Variants in CDH12 observed in about 807,000 individuals in gnomAD.
The protein encoded by CDH12 is cadherin 12.
Under a neutral mutation model 74.1 loss-of-function variants are expected in CDH12, and 41 were observed. The ratio of observed to expected loss-of-function variants is 0.55; its 90% CI spans 0.43 to 0.72. The LOEUF is 0.72. Among genes scored for constraint, CDH12 ranks in the 30% least tolerant of loss-of-function variants. The probability of loss-of-function intolerance (pLI) is 0.00; values close to 1 mark genes in which losing one functional copy is unlikely to be tolerated. For missense variants in CDH12, 945 were observed against 977.2 expected, an observed-to-expected ratio of 0.97 and a Z score of 0.44; for synonymous variants, 399 against 355.0, an observed-to-expected ratio of 1.12 and a Z score of -1.39.
At chr5:22,178,758 T>C (rs1260700739) in intron 4 of CDH12, among the ~76,000 whole-genome samples, 2 of 152,218 alleles carry the variant, frequency 1.3e-5, no homozygotes, top group South Asian at 2.1e-4. Flanking sequence ...GGTTCTACTA[T>C]ACCAAGAAAA....
chr5:22,044,325 A>C (rs535178879), intron 5 of CDH12, among the ~76,000 whole-genome samples: 1 of 152,306 alleles, frequency 6.6e-6, no homozygotes, highest in African/African-American at 2.4e-5. Context: ...TAAACAAAAG[A>C]GGTTTAATTA....
At chr5:21,964,724 A>G (rs1756507674) in intron 6 of CDH12, among the ~76,000 whole-genome samples, 1 of 152,202 alleles carries the variant, frequency 6.6e-6, no homozygotes, top group South Asian at 2.1e-4. Context: ...ATGCATAAAC[A>G]AGATGTATTT....
rs67573332 is a variant in CDH12, at chr5:22,153,889, AAT to A, written c.-187+58607_-187+58608del. 6.2e-4 allele frequency among the ~76,000 whole-genome samples: 26 copies of A among 42,070 alleles called. 1 individual carries two copies. The highest frequency in any genetic ancestry group is 7.8e-4 in the Non-Finnish European group (15 of 19,132). The allele number at this position is 42,070 out of a possible 152,430, so 27.6% of individuals were successfully genotyped here. ...ATATATATGTATATATATATATATAAATATATATATATATACACACACATACA... is the reference window on the plus strand; with the variant it reads ...ATATATATGTATATATATATATATAAATATATATATATACACACACATACA... On this transcript the variant is annotated intron_variant, in intron 4 of 14. Transcript: ENST00000382254.
intron 3 of CDH12, among the ~76,000 whole-genome samples, chr5:22,215,334 A>T (rs533475053): frequency 6.6e-6 from 1 of 152,258 alleles, no homozygotes; most frequent in Admixed American, 6.5e-5. Flanking sequence ...TCTAGATTTT[A>T]TGATTAACAA....
chr5:22,187,221 T>C (rs554370795), intron 4 of CDH12, among the ~76,000 whole-genome samples: 95 of 152,258 alleles, frequency 6.2e-4, no homozygotes, highest in Non-Finnish European at 1.2e-3. Flanking sequence ...CAGATGGTGC[T>C]TATATTGCTG....
chr5:22,078,369 G>T, intron 5 of CDH12, 77 bp downstream of exon 5: 1 of 1,305,670 alleles, frequency 7.7e-7, no homozygotes, highest in Non-Finnish European at 1.1e-6. Flanking sequence ...CAACTCCTGT[G>T]CAAAACATCC....
At chr5:21,875,046 C>A (rs930087850) in intron 6 of CDH12, among the ~76,000 whole-genome samples, 1 of 152,166 alleles carries the variant, frequency 6.6e-6, no homozygotes, top group Non-Finnish European at 1.5e-5. Context: ...TCACACCAGT[C>A]AGAATGGTGA....
chr5:22,392,321 C>A (rs1209195105), intron 3 of CDH12, among the ~76,000 whole-genome samples: 1 of 152,110 alleles, frequency 6.6e-6, no homozygotes, highest in African/African-American at 2.4e-5. Flanking sequence ...ACATCCCATC[C>A]ACCAATCTTT....
intron 2 of CDH12, among the ~76,000 whole-genome samples, chr5:22,502,073 T>C (rs927347602): frequency 1.3e-5 from 2 of 152,144 alleles, no homozygotes; most frequent in Non-Finnish European, 2.9e-5. Context: ...CTCATCTTCA[T>C]AAAATAAAGG....
intron 8 of CDH12, among the ~76,000 whole-genome samples, chr5:21,822,062 T>C (rs1748398538): frequency 6.6e-6 from 1 of 151,968 alleles, no homozygotes; most frequent in Non-Finnish European, 1.5e-5. Context: ...GGCAAAATAT[T>C]TTAAACATCC....
At chr5:22,403,410 G>T (rs1016563498) in intron 3 of CDH12, among the ~76,000 whole-genome samples, 11 of 152,102 alleles carry the variant, frequency 7.2e-5, no homozygotes, top group African/African-American at 2.7e-4. Flanking sequence ...AATATCTCAT[G>T]GGACATTTTA....
At position 22,399,886 on chromosome 5, in the gene CDH12, T is replaced by A. The variant is rs150547668; in HGVS notation, c.-333+5371A>T. ...ATAGGAGATATTAAAGCTGACTCTG[T>A]GTTTTAACACAACCATTATAACCAA... is the stretch of plus-strand genomic sequence containing the variant. On this transcript the variant is annotated intron_variant, in intron 3 of 14. Transcript: ENST00000382254. 3.3e-5 allele frequency among the ~76,000 whole-genome samples: 5 copies of A among 152,072 alleles called. No homozygotes were observed. In the East Asian group the frequency reaches 7.7e-4, roughly 23 times the overall value.
intron 3 of CDH12, among the ~76,000 whole-genome samples, chr5:22,281,957 C>T (rs560913821): frequency 2.0e-4 from 31 of 152,100 alleles, no homozygotes; most frequent in Non-Finnish European, 4.3e-4. Flanking sequence ...AGGCATCATG[C>T]TACCTGACTT....
intron 1 of CDH12, among the ~76,000 whole-genome samples, chr5:22,700,635 A>G (rs756360428): frequency 6.6e-6 from 1 of 152,198 alleles, no homozygotes; most frequent in Non-Finnish European, 1.5e-5. Context: ...TGTATATCCT[A>G]GGGAAGAATT....
intron 2 of CDH12, among the ~76,000 whole-genome samples, chr5:22,465,285 G>C (rs571064158): frequency 6.6e-6 from 1 of 152,194 alleles, no homozygotes; most frequent in East Asian, 1.9e-4. Flanking sequence ...CTCCAGCCGT[G>C]ATCTGAGCTC....
At chr5:22,653,210 G>T (rs1479983631) in intron 1 of CDH12, among the ~76,000 whole-genome samples, 3 of 151,924 alleles carry the variant, frequency 2.0e-5, no homozygotes, top group Admixed American at 2.0e-4. Context: ...TATTACCTGG[G>T]TCACCTTGCC....
chr5:22,420,350 A>G (rs1322430442), intron 2 of CDH12, among the ~76,000 whole-genome samples: 1 of 152,118 alleles, frequency 6.6e-6, no homozygotes, highest in Non-Finnish European at 1.5e-5. Flanking sequence ...TAATTTTTGT[A>G]TAAGGAGTAA....
At chr5:22,703,134 C>T (rs1032196849) in intron 1 of CDH12, among the ~76,000 whole-genome samples, 11 of 152,090 alleles carry the variant, frequency 7.2e-5, no homozygotes, top group Non-Finnish European at 1.3e-4. Context: ...CTAATCCTTA[C>T]CAACATTTCC....
chr5:21,886,529 A>G (rs906248498), intron 6 of CDH12, among the ~76,000 whole-genome samples: 1 of 146,652 alleles, frequency 6.8e-6, no homozygotes, highest in Non-Finnish European at 1.5e-5. Context: ...ATATATTATT[A>G]TATTATATAT....
Sources: gnomAD v4.1 joint callset for allele counts (sites outside exome capture counted in the v4.1 genomes callset) on GRCh38, gnomAD v4.1.1 for gene constraint, MANE v1.5 for transcripts, NCBI Gene and HGNC (gene_info 2026-07-23, HGNC 2026-07-21) for gene names.